Variants in STXBP2 observed in about 807,000 individuals in gnomAD.
The protein encoded by STXBP2 is syntaxin binding protein 2.
Under a neutral mutation model 72.2 loss-of-function variants are expected in STXBP2, and 47 were observed. The observed-to-expected ratio is 0.65, with a 90% CI of 0.51 to 0.83. The LOEUF is 0.83. STXBP2 is among the 40% of genes least tolerant of loss of function. The pLI, the probability that STXBP2 is intolerant of heterozygous loss-of-function variation, is 0.00. For missense variants in STXBP2, 702 were observed against 807.6 expected, an observed-to-expected ratio of 0.87 and a Z score of 1.58; for synonymous variants, 367 against 338.7, an observed-to-expected ratio of 1.08 and a Z score of -0.92.
rs2031939903 is a variant in STXBP2 at position 7,642,625 on chromosome 19, T to C, written c.902+89T>C. 1.3e-6 allele frequency: 2 copies of C among 1,539,072 alleles called. No homozygotes were observed. Among genetic ancestry groups the C allele is most frequent in the African/African-American group, 2.7e-5 (2 of 73,350 alleles). ...GGATCCCTGGCTGCTGCCAAGTCTT[T>C]GGCCCTCATGAGCACCCCTCGTGTG... On this transcript the variant is annotated intron_variant, in intron 10 of 18. Coordinates refer to ENST00000221283, the MANE Select transcript of STXBP2 (RefSeq NM_006949.4). The surrounding 1 kb of genome is among the most constrained non-coding windows in gnomAD (Gnocchi z 6.0).
chr19:7,637,644 C>T (rs1466527935), intron 1 of STXBP2, among the ~76,000 whole-genome samples: 1 of 152,292 alleles, frequency 6.6e-6, no homozygotes, highest in South Asian at 2.1e-4. Context: ...TAGGGGATGT[C>T]TTCCTCCTTG....
chr19:7,633,545 T>C, upstream of STXBP2: 2 of 1,307,792 alleles, frequency 1.5e-6, no homozygotes, highest in Non-Finnish European at 2.1e-6. Context: ...CGTGGGGGTG[T>C]GGATTCCCCC....
chr19:7,640,650 TG>T (rs754061418), intron 4 of STXBP2, 80 bp from the exon 5 acceptor site: 2 of 1,569,240 alleles, frequency 1.3e-6, no homozygotes, highest in East Asian at 2.2e-5. Context: ...TGGTGGCAGA[TG>T]GGGGGTGGCT....
rs369683019 is a variant in STXBP2, at chr19:7,641,778, A to G, written c.503A>G (p.Gln168Arg). Residue 168 changes from glutamine (Q) to arginine (R), a missense_variant, in exon 7 of 19, where the codon CAG becomes CGG. By Grantham distance (43) the Gln-to-Arg change is conservative (BLOSUM62 1). Transcript: ENST00000221283. ...TTCCGGGCAGAGGAGCGCACGCGGC[A>G]GCTCGAGGTGCTGGCCCAGCAGATT... Reference protein sequence around the residue: ...CPFRAEERTRQLEVLAQQIAT... With the variant: ...CPFRAEERTRRLEVLAQQIAT... 64 of 1,551,642 alleles carry G rather than the reference A, an allele frequency of 4.1e-5. No individual in the cohort carries two copies. The highest frequency in any genetic ancestry group is 1.2e-4 in the Admixed American group (6 of 51,102).
At chr19:7,644,016 C>CTGGGACCTGGGTGAGGGGTGGAACCTT (rs1568469302) in intron 13 of STXBP2, among the ~76,000 whole-genome samples, 1 of 63,452 alleles carries the variant, frequency 1.6e-5, no homozygotes, top group African/African-American at 6.2e-5. Context: ...GGTGGAACCT[C>CTGGGACCTGGGTGAGGGGTGGAACCTT]GGAGAGGTGG....
chr19:7,644,385 A>C (rs3815754), intron 13 of STXBP2: 29 of 590,140 alleles, frequency 4.9e-5, no homozygotes, highest in Non-Finnish European at 7.5e-5. Flanking sequence ...TAGTGGTGTG[A>C]CCTGTGTGTA....
At chr19:7,638,836 G>A in intron 2 of STXBP2, 61 bp downstream of exon 2, 1 of 1,609,364 alleles carries the variant, frequency 6.2e-7, no homozygotes, top group Non-Finnish European at 8.5e-7. Flanking sequence ...CTATGGGGAA[G>A]ACCCTGAATG....
intron 1 of STXBP2, among the ~76,000 whole-genome samples, chr19:7,637,811 A>G (rs908856600): frequency 6.6e-6 from 1 of 152,134 alleles, no homozygotes; most frequent in African/African-American, 2.4e-5. Flanking sequence ...ATAACAGTGG[A>G]CATGACACAG....
In STXBP2 at chr19:7,645,453, T is replaced by C. The variant is rs528205187; in HGVS notation, c.1356+147T>C. On this transcript the variant is annotated intron_variant, in intron 15 of 18. Transcript: ENST00000221283. ...GGGAGGCCAAAAGCAGTGTTTCGGG[T>C]CTGGTCTGGGGCCCAGAGGACACTG... The C allele has an allele frequency of 3.9e-4, 299 of 759,120 alleles. No individual in the cohort carries two copies. In the African/African-American group the frequency reaches 4.8e-3, roughly 12 times the overall value. The allele number at this position is 759,120 out of a possible 1,614,324, so 47.0% of individuals were successfully genotyped here.
chr19:7,632,950 C>T, upstream of STXBP2: 1 of 1,478,982 alleles, frequency 6.8e-7, no homozygotes, highest in South Asian at 1.3e-5. The surrounding 1 kb of genome is among the most constrained non-coding windows in gnomAD (Gnocchi z 5.2). Flanking sequence ...CCTCAGCTCT[C>T]ACCATGGTCC....
At chr19:7,636,971 C>A (rs183762216), upstream of STXBP2, 3 of 594,750 alleles carry the variant, frequency 5.0e-6, no homozygotes, top group African/African-American at 3.8e-5. Context: ...CGCACCTGCC[C>A]GTCCTCCCCG....
chr19:7,630,880 A>T, the STXBP2 span: 1 of 1,537,030 alleles, frequency 6.5e-7, no homozygotes, highest in South Asian at 1.2e-5. Context: ...AGAGGGATGG[A>T]GGAGGCTGGA....
At position 7,642,206 on chromosome 19, in the gene STXBP2, C is replaced by A; in HGVS notation, c.667C>A (p.Pro223Thr). The A allele has an allele frequency of 6.2e-7, 1 of 1,614,166 alleles. No individual in the cohort carries two copies. Residue 223 changes from proline (P) to threonine (T), a missense_variant, in exon 9 of 19, where the codon CCA (proline) becomes ACA (threonine). Transcript: ENST00000221283. This position sits in a 1 kb window ranked among gnomAD's most constrained non-coding sequence, Gnocchi z 6.0. ...CCTGCCCTAAACCCCACCCCAGGGC[C>A]CAGAGAAAACCCGCTCCCAGCTGCT... is the stretch of plus-strand genomic sequence containing the variant. ...KADTPSLGEG[P>T]EKTRSQLLIM... is the part of the protein sequence containing the mutation.
rs771247039 is a variant in STXBP2 at position 7,640,609 on chromosome 19, A to T, written c.247-122A>T. The T allele has an allele frequency of 5.4e-6, 7 of 1,299,506 alleles. No individual in the cohort carries two copies. The East Asian group carries it at 1.5e-4, about 27-fold the overall frequency. 80.5% of individuals were successfully genotyped at this position (1,299,506 alleles called of 1,614,324 possible). On this transcript the variant is annotated intron_variant, in intron 4 of 18. Transcript: ENST00000221283. ...GCGACACTAGTGTGCATTTGCACAT[A>T]TACATGTCCCCGTCCGTCCATGTTT...
intron 3 of STXBP2, 172 bp downstream of exon 3, chr19:7,639,272 A>G (rs953897429): frequency 2.6e-6 from 2 of 757,968 alleles, no homozygotes; most frequent in Non-Finnish European, 4.5e-6. Flanking sequence ...CCATTCTTAA[A>G]CCTTGCAAGC....
At chr19:7,634,569 T>C (rs113525860), upstream of STXBP2, among the ~76,000 whole-genome samples, 3 of 152,372 alleles carry the variant, frequency 2.0e-5, no homozygotes, top group Non-Finnish European at 4.4e-5. Flanking sequence ...GAGGTCTCAC[T>C]ATTTTGCCCA....
rs121918541 is a variant in STXBP2, at chr19:7,642,081, T to A, written c.626T>A (p.Leu209Gln). ...TTGGCCCACGCCGTCCTGGCCAAGC[T>A]GAACGCCTTCAAGGCAGACACTCCC... ...AQLAHAVLAK[L>Q]NAFKADTPSL... is the part of the protein sequence containing the mutation. The change falls in exon 8 of 19, where the codon CTG becomes CAG. Residue 209 changes from leucine (L) to glutamine (Q), a missense_variant. Transcript: ENST00000221283. The surrounding 1 kb of genome is among the most constrained non-coding windows in gnomAD (Gnocchi z 6.0). The A allele has an allele frequency of 1.9e-6, 3 of 1,613,942 alleles. No homozygotes were observed. Among genetic ancestry groups the A allele is most frequent in the African/African-American group, 1.3e-5 (1 of 74,904 alleles).
intron 1 of STXBP2, 105 bp from the exon 2 acceptor site, chr19:7,638,619 AGT>A: frequency 8.3e-7 from 1 of 1,207,610 alleles, no homozygotes; most frequent in Admixed American, 2.0e-5. Context: ...AAAAAAAAAA[AGT>A]AAATGGGAAT....
Position 7,639,761 on chromosome 19 carries a change from C to A in STXBP2, c.200C>A (p.Pro67His), listed in dbSNP as rs1599390408. The change falls in exon 4 of 19, where the codon CCC becomes CAC. Residue 67 changes from proline (P) to histidine (H), a missense_variant. Transcript: ENST00000221283. ...IVEDINKRREPIPSLEAIYLL... is the reference protein window; with the variant it reads ...IVEDINKRREHIPSLEAIYLL... ...GAAGACATCAACAAACGGCGGGAAC[C>A]CATTCCCAGTCTGGAGGCCATTTAT... is the stretch of plus-strand genomic sequence containing the variant. 1 of 1,613,726 alleles carries A rather than the reference C, an allele frequency of 6.2e-7. No homozygotes were observed. Among genetic ancestry groups the A allele is most frequent in the Non-Finnish European group, 8.5e-7 (1 of 1,179,990 alleles).
Sources: gnomAD v4.1 joint callset for allele counts (sites outside exome capture counted in the v4.1 genomes callset) on GRCh38, gnomAD v4.1.1 for gene constraint, Gnocchi (gnomAD v3.1) non-coding constraint, MANE v1.5 for transcripts, NCBI Gene and HGNC (gene_info 2026-07-23, HGNC 2026-07-21) for gene names.